NDNF: variants seen among roughly 807,000 people sequenced by gnomAD.
The protein encoded by NDNF is protein NDNF.
A neutral mutation model predicts 42.0 loss-of-function variants in NDNF; 16 were observed. That is an observed-to-expected ratio of 0.38 (90% CI 0.26 to 0.58). The LOEUF (loss-of-function observed/expected upper bound fraction) is 0.58, where lower values mean the gene tolerates loss of function less well. Among genes scored for constraint, NDNF ranks in the 20% least tolerant of loss-of-function variants. The pLI is 0.67. For missense variants in NDNF, 616 were observed against 666.2 expected (o/e 0.92, Z 0.83); for synonymous variants, 248 against 251.7 (o/e 0.99, Z 0.14).
At chr4:121,069,882 G>A (rs1727560520) in intron 1 of NDNF, among the ~76,000 whole-genome samples, 1 of 152,152 alleles carries the variant, frequency 6.6e-6, no homozygotes, top group Non-Finnish European at 1.5e-5. Context: ...AAATGATGGG[G>A]TATTTTAATA....
Position 121,037,142 on chromosome 4 carries a change from C to T in NDNF, c.829G>A (p.Gly277Arg), listed in dbSNP as rs1360993084. Residue 277 changes from glycine (G) to arginine (R), a missense_variant, in exon 4 of 4, where the codon GGG (glycine) becomes AGG (arginine). Coordinates refer to ENST00000379692, the MANE Select transcript of NDNF (RefSeq NM_024574.4). ...TTGGGCCTGGAGTAGACATGACGCC[C>T]CAGTTTTGGAGAAGGCTTTGCCTGG... The part of the protein sequence containing the change: ...SFQAKPSPKL[G>R]RHVYSRPKVD... 1.2e-5 allele frequency: 20 copies of T among 1,613,962 alleles called. No individual in the cohort carries two copies. The highest frequency in any genetic ancestry group is 1.7e-5 in the Non-Finnish European group (20 of 1,180,024).
chr4:121,054,357 A>C (rs910234964), intron 1 of NDNF, among the ~76,000 whole-genome samples: 2 of 152,210 alleles, frequency 1.3e-5, no homozygotes, highest in Non-Finnish European at 2.9e-5. Context: ...TATCTATATA[A>C]TACATTTTTG....
Position 121,060,434 on chromosome 4 carries a change from G to A in NDNF, c.-2+11559C>T, listed in dbSNP as rs1236994788. 2.6e-5 allele frequency among the ~76,000 whole-genome samples: 4 copies of A among 151,924 alleles called. No homozygotes were observed. In the East Asian group the frequency reaches 7.7e-4, roughly 29 times the overall value. On this transcript the variant is annotated intron_variant, in intron 1 of 3. Coordinates refer to ENST00000379692, the MANE Select transcript of NDNF (RefSeq NM_024574.4). The stretch of plus-strand genomic sequence containing the variant: ...GGCTTCAAGAGATCCTCCTGCCTTG[G>A]CCTTCCAGAGTGTTGGGATTACAGG...
chr4:121,064,569 A>G lies in NDNF; in HGVS notation c.-2+7424T>C, dbSNP rs556667290. Among the ~76,000 whole-genome samples the G allele has an allele frequency of 6.6e-4, 101 of 152,358 alleles. 1 individual carries two copies. The highest frequency in any genetic ancestry group is 2.3e-3 in the African/African-American group (97 of 41,588). ...ATTTATACATAAAAGAGGAATTATG[A>G]AATACCTCTACAAATAACAGAATAA... On this transcript the variant is annotated intron_variant, in intron 1 of 3. Transcript: ENST00000379692.
Position 121,045,451 on chromosome 4 carries a change from T to C in NDNF, c.188+199A>G, listed in dbSNP as rs187322333. ...ATTGCCTCCTACACGCAAAAGGAGA[T>C]GACAATCAGCAAGAATCAAACAGCC... On this transcript the variant is annotated intron_variant, in intron 2 of 3. Transcript: ENST00000379692. Among the ~76,000 whole-genome samples, 36 of 152,176 alleles carry C rather than the reference T, an allele frequency of 2.4e-4. No individual in the cohort carries two copies. In the Middle Eastern group the frequency reaches 0.01, roughly 43 times the overall value.
intron 3 of NDNF, among the ~76,000 whole-genome samples, chr4:121,039,375 C>T (rs1726956411): frequency 6.6e-6 from 1 of 151,352 alleles, no homozygotes; most frequent in Admixed American, 6.6e-5. Context: ...TGCTCTCTAT[C>T]ATCTGTCTTC....
At chr4:121,059,633 G>T (rs76615543) in intron 1 of NDNF, among the ~76,000 whole-genome samples, 1 of 152,182 alleles carries the variant, frequency 6.6e-6, no homozygotes, top group African/African-American at 2.4e-5. Flanking sequence ...GAAAAATAGC[G>T]TATTACTCAG....
intron 1 of NDNF, among the ~76,000 whole-genome samples, chr4:121,049,504 G>A (rs540588830): frequency 4.6e-5 from 7 of 152,238 alleles, no homozygotes; most frequent in Admixed American, 6.5e-5. Flanking sequence ...TGAGTAATAC[G>A]TCACTCTGAG....
rs185029492 is a variant in NDNF at position 121,051,482 on chromosome 4, G to A, written c.-1-5644C>T. ...TGGAAATGCTTGTAAATTATAAAAT[G>A]GTCAATGGTAAGCAAAGTAAAAATT... On this transcript the variant is annotated intron_variant, in intron 1 of 3. Transcript: ENST00000379692. Among the ~76,000 whole-genome samples the A allele has an allele frequency of 5.3e-3, 808 of 152,138 alleles. 2 individuals carry two copies. Among genetic ancestry groups the A allele is most frequent in the South Asian group, 0.014 (67 of 4,822 alleles).
intron 1 of NDNF, among the ~76,000 whole-genome samples, chr4:121,052,511 GT>G (rs1448386025): frequency 1.3e-5 from 2 of 152,128 alleles, no homozygotes; most frequent in Non-Finnish European, 2.9e-5. Flanking sequence ...CAAATATTTA[GT>G]CTTTTAAATT....
At chr4:121,056,281 C>T (rs143761587) in intron 1 of NDNF, among the ~76,000 whole-genome samples, 134 of 152,260 alleles carry the variant, frequency 8.8e-4, no homozygotes, top group Middle Eastern at 3.4e-3. Context: ...GAAGAAAAGA[C>T]CAGGAGGGAA....
At chr4:121,059,516 C>G (rs1263222509) in intron 1 of NDNF, among the ~76,000 whole-genome samples, 1 of 152,184 alleles carries the variant, frequency 6.6e-6, no homozygotes, top group African/African-American at 2.4e-5. Flanking sequence ...AAGGGGACAT[C>G]ACGGATATCC....
At chr4:121,064,261 G>A (rs1053834721) in intron 1 of NDNF, among the ~76,000 whole-genome samples, 2 of 152,126 alleles carry the variant, frequency 1.3e-5, no homozygotes, top group African/African-American at 4.8e-5. Context: ...TGCTGTGAGG[G>A]TTAAGGAAAG....
At chr4:121,049,005 T>TG (rs1302188087) in intron 1 of NDNF, among the ~76,000 whole-genome samples, 9 of 152,268 alleles carry the variant, frequency 5.9e-5, no homozygotes, top group African/African-American at 2.2e-4. Flanking sequence ...ATGATCAAAG[T>TG]GAGACTTAGA....
chr4:121,043,819 C>T (rs1727044212), intron 2 of NDNF, among the ~76,000 whole-genome samples: 1 of 152,134 alleles, frequency 6.6e-6, no homozygotes, highest in Non-Finnish European at 1.5e-5. Context: ...TGATTTCACT[C>T]ACACGTAAAT....
chr4:121,054,961 C>T (rs1727259576), intron 1 of NDNF, among the ~76,000 whole-genome samples: 1 of 152,002 alleles, frequency 6.6e-6, no homozygotes, highest in South Asian at 2.1e-4. Context: ...TTCTGAGTAG[C>T]TGGGACTACA....
rs778325003 is a variant in NDNF at position 121,036,485 on chromosome 4, T to C, written c.1486A>G (p.Arg496Gly). The part of the protein sequence containing the change: ...DDNYNEDQKK[R>G]EQNQCLGPDI... ...GGTCCTAGACATTGGTTTTGCTCTC[T>C]TTTCTTCTGGTCTTCATTGTAGTTA... Residue 496 changes from arginine (R) to glycine (G), a missense_variant, in exon 4 of 4, where the codon AGA becomes GGA. By Grantham distance (125) the Arg-to-Gly change is moderately radical (BLOSUM62 -2). Transcript: ENST00000379692. The C allele has an allele frequency of 1.4e-5, 22 of 1,614,174 alleles. No individual in the cohort carries two copies. The highest frequency in any genetic ancestry group is 1.9e-5 in the Non-Finnish European group (22 of 1,180,018).
At chr4:121,070,493 G>A (rs1241395509) in intron 1 of NDNF, among the ~76,000 whole-genome samples, 1 of 152,132 alleles carries the variant, frequency 6.6e-6, no homozygotes, top group Non-Finnish European at 1.5e-5. Flanking sequence ...CAGGGACCGG[G>A]TGGGAGGAGG....
intron 1 of NDNF, among the ~76,000 whole-genome samples, chr4:121,049,060 A>G (rs1412193068): frequency 6.6e-6 from 1 of 152,216 alleles, no homozygotes; most frequent in African/African-American, 2.4e-5. Flanking sequence ...AAAAAATATG[A>G]ACTATTTATT....
Sources: allele counts gnomAD v4.1 joint callset (sites outside exome capture counted in the v4.1 genomes callset), GRCh38; gene constraint gnomAD v4.1.1; transcripts MANE v1.5; gene names NCBI Gene and HGNC (gene_info 2026-07-23, HGNC 2026-07-21).